SLC25A18: variants seen among roughly 807,000 people sequenced by gnomAD.
SLC25A18 encodes solute carrier family 25 member 18.
A neutral mutation model predicts 31.1 loss-of-function variants in SLC25A18; 24 were observed. The observed-to-expected ratio is 0.77, with a 90% CI of 0.56 to 1.08. The LOEUF (loss-of-function observed/expected upper bound fraction) is 1.08. Ranked by LOEUF, SLC25A18 falls within the 50% of genes least tolerant of loss-of-function variation. SLC25A18 has a pLI of 0.00. For synonymous variants in SLC25A18, 173 were observed against 161.9 expected, an observed-to-expected ratio of 1.07 and a Z score of -0.52; for missense variants, 371 against 418.5, an observed-to-expected ratio of 0.89 and a Z score of 0.99.
At chr22:17,589,977 C>A (rs2057672944) in intron 10 of SLC25A18, 118 bp from the exon 11 acceptor site, 1 of 1,422,562 alleles carries the variant, frequency 7.0e-7, no homozygotes. Context: ...TGGCCTCTTG[C>A]TCTTGTTGTG....
rs371707009 is a variant in SLC25A18, at chr22:17,582,559, C to T, written c.200-4C>T. On this transcript the variant is annotated splice_region_variant and splice_polypyrimidine_tract_variant and intron_variant, in intron 5 of 10. Transcript: ENST00000327451. The stretch of plus-strand genomic sequence containing the variant: ...TGACTCCCCATCTTGTCCTTCACTT[C>T]CAGGGGCTGCAGTGAACCTCACTCT... The T allele has an allele frequency of 5.7e-6, 9 of 1,589,126 alleles. No homozygotes were observed. The East Asian group carries it at 1.8e-4, about 32-fold the overall frequency.
At chr22:17,579,546 G>T (rs1472404445) in intron 2 of SLC25A18, among the ~76,000 whole-genome samples, 199 bp from the exon 3 acceptor site, 2 of 152,062 alleles carry the variant, frequency 1.3e-5, no homozygotes, top group Non-Finnish European at 2.9e-5. Flanking sequence ...GCCTCAGCAG[G>T]CTGCTGTATC....
intron 10 of SLC25A18, among the ~76,000 whole-genome samples, 166 bp from the exon 11 acceptor site, chr22:17,589,929 G>C (rs2057671175): frequency 6.6e-6 from 1 of 152,162 alleles, no homozygotes; most frequent in Non-Finnish European, 1.5e-5. Flanking sequence ...TAACCAACCT[G>C]CATGCACCTA....
At position 17,589,607 on chromosome 22, in the gene SLC25A18, C is replaced by G. The variant is rs373600857; in HGVS notation, c.748C>G (p.Gln250Glu). 2.7e-5 allele frequency: 43 copies of G among 1,613,940 alleles called. No homozygotes were observed. Among genetic ancestry groups the G allele is most frequent in the Non-Finnish European group, 3.6e-5 (42 of 1,180,002 alleles). Residue 250 changes from glutamine to glutamate, a missense_variant, in exon 10 of 11, where the codon CAA becomes GAA. Transcript: ENST00000327451. The stretch of plus-strand genomic sequence containing the variant: ...TGATTTAGTTCTGAAAACTCGAATC[C>G]AAACCCTCAAGAAAGGCCTGGGCGA... Reference protein sequence around the residue: ...TPLDVLKTRIQTLKKGLGEDM... With the variant: ...TPLDVLKTRIETLKKGLGEDM...
chr22:17,568,188 C>T (rs908741849), intron 1 of SLC25A18, among the ~76,000 whole-genome samples: 1 of 151,738 alleles, frequency 6.6e-6, no homozygotes, highest in Non-Finnish European at 1.5e-5. Context: ...CATGGTGAAA[C>T]CCCGTCTCTA....
At chr22:17,570,486 A>G (rs1399636168) in intron 2 of SLC25A18, 1 of 152,154 alleles carries the variant, frequency 6.6e-6, no homozygotes, top group Non-Finnish European at 1.5e-5. Flanking sequence ...ATACTGCCCC[A>G]AGACTTTTTG....
chr22:17,569,622 A>G (rs779543667), intron 1 of SLC25A18: 91 of 984,854 alleles, frequency 9.2e-5, no homozygotes, highest in Non-Finnish European at 1.1e-4. Context: ...TGGGCGGTGA[A>G]TCTCCCCTCA....
chr22:17,590,020 A>T, intron 10 of SLC25A18, 75 bp from the exon 11 acceptor site: 3 of 1,585,454 alleles, frequency 1.9e-6, no homozygotes, highest in Non-Finnish European at 2.6e-6. Context: ...AGGTGCACAA[A>T]TGGAGAGGCT....
At position 17,572,619 on chromosome 22, in the gene SLC25A18, C is replaced by T. The variant is rs1010766730; in HGVS notation, c.-201+2633C>T. Among the ~76,000 whole-genome samples, 65 of 151,238 alleles carry T rather than the reference C, an allele frequency of 4.3e-4. 1 individual carries two copies. Among genetic ancestry groups the T allele is most frequent in the African/African-American group, 1.5e-3 (62 of 41,036 alleles). ...GACCAGCCTTAGCAACATGGCGAGA[C>T]CCCATCTCTACAAATAAATTTTTTT... On this transcript the variant is annotated intron_variant, in intron 2 of 10. Transcript: ENST00000327451.
chr22:17,586,257 G>A (rs2096375694), intron 7 of SLC25A18, among the ~76,000 whole-genome samples: 1 of 152,174 alleles, frequency 6.6e-6, no homozygotes, highest in Non-Finnish European at 1.5e-5. Context: ...GCTCACGCCT[G>A]TAATCCCAGC....
chr22:17,563,717 A>G lies in SLC25A18; in HGVS notation c.-264+4A>G, dbSNP rs2056864374. The G allele has an allele frequency of 5.1e-6, 5 of 985,402 alleles. No individual in the cohort carries two copies. The highest frequency in any genetic ancestry group is 6.0e-6 in the Non-Finnish European group (5 of 829,918). 61.0% of individuals were successfully genotyped at this position (985,402 alleles called of 1,614,324 possible). A position where few individuals can be genotyped will look rare whatever the true frequency, so the allele number is the denominator to read the frequency against. On this transcript the variant is annotated splice_donor_region_variant and intron_variant, in intron 1 of 10. Coordinates refer to ENST00000327451, the MANE Select transcript of SLC25A18 (RefSeq NM_031481.3). ...CTCGCTTGCAGGCAAGTTGTCAGTA[A>G]GTATTTATTAAATACCCACCGTGAG...
intron 2 of SLC25A18, among the ~76,000 whole-genome samples, chr22:17,576,707 C>T (rs1350117663): frequency 6.6e-6 from 1 of 152,142 alleles, no homozygotes; most frequent in African/African-American, 2.4e-5. Context: ...TAGCATAGGC[C>T]TGCGAAAGGG....
intron 5 of SLC25A18, 148 bp from the exon 6 acceptor site, chr22:17,582,415 T>G: frequency 1.8e-6 from 1 of 541,978 alleles, no homozygotes; most frequent in South Asian, 2.6e-5. Context: ...GAATGGAAAG[T>G]TATTTCAGTG....
chr22:17,566,040 C>T (rs2056928837), intron 1 of SLC25A18, among the ~76,000 whole-genome samples: 1 of 152,154 alleles, frequency 6.6e-6, no homozygotes, highest in Admixed American at 6.5e-5. Context: ...TCCACCATGG[C>T]TGCCGTGTTT....
intron 7 of SLC25A18, 67 bp downstream of exon 7, chr22:17,583,601 A>T: frequency 6.4e-7 from 1 of 1,560,102 alleles, no homozygotes. Flanking sequence ...CACATCCCAC[A>T]TCCCAACCTC....
chr22:17,573,345 G>A (rs1472013378), intron 2 of SLC25A18, among the ~76,000 whole-genome samples: 3 of 152,052 alleles, frequency 2.0e-5, no homozygotes, highest in African/African-American at 7.2e-5. Flanking sequence ...TGACAGTGCT[G>A]CACCTCCTCT....
chr22:17,590,443 G>A lies in SLC25A18; in HGVS notation c.*207G>A. 1.8e-6 allele frequency: 1 copy of A among 544,148 alleles called. No individual in the cohort carries two copies. 33.7% of individuals were successfully genotyped at this position (544,148 alleles called of 1,614,324 possible). On this transcript the variant is annotated 3_prime_UTR_variant, in exon 11 of 11. Coordinates refer to ENST00000327451, the MANE Select transcript of SLC25A18 (RefSeq NM_031481.3). ...TTCGTGTCTACACTCGTTTTCCTTT[G>A]TGGGCACAGCTACCAGGGGCTTTTG...
rs1427494195 is a variant in SLC25A18 at position 17,583,531 on chromosome 22, C to T, written c.406C>T (p.Leu136=). The T allele has an allele frequency of 1.2e-6, 2 of 1,613,390 alleles. No homozygotes were observed. Among genetic ancestry groups the T allele is most frequent in the Non-Finnish European group, 1.7e-6 (2 of 1,180,012 alleles). ...LKIQLQDAGR[L]AVHHQGSASA... ...GATTCAGCTGCAGGATGCTGGACGC[C>T]TGGGTGAGGCCTGTCCCCACCTCCT... The change falls in exon 7 of 11, where the codon CTG becomes TTG. Residue 136 remains leucine (L), a synonymous_variant. Transcript: ENST00000327451.
intron 1 of SLC25A18, among the ~76,000 whole-genome samples, chr22:17,564,616 C>T (rs544854530): frequency 1.3e-5 from 2 of 152,102 alleles, no homozygotes; most frequent in African/African-American, 2.4e-5. Flanking sequence ...AATCCCAGCA[C>T]TTTGGGAGGC....
Sources: allele counts gnomAD v4.1 joint callset (sites outside exome capture counted in the v4.1 genomes callset), GRCh38; gene constraint gnomAD v4.1.1; transcripts MANE v1.5; gene names NCBI Gene and HGNC (gene_info 2026-07-23, HGNC 2026-07-21).